GNS: variants seen among roughly 807,000 people sequenced by gnomAD.
The protein encoded by GNS is N-acetylglucosamine-6-sulfatase.
GNS carries 40 observed loss-of-function variants against 69.7 expected under a neutral mutation model. That is an observed-to-expected ratio of 0.57 (90% CI 0.45 to 0.75). GNS has a LOEUF of 0.75. GNS is among the 30% of genes least tolerant of loss of function. GNS has a pLI of 0.00. For missense variants in GNS, 565 were observed against 685.5 expected, an observed-to-expected ratio of 0.82 and a Z score of 1.96; for synonymous variants, 243 against 251.6, an observed-to-expected ratio of 0.97 and a Z score of 0.32.
chr12:64,727,620 G>C (rs191737839), intron 10 of GNS, among the ~76,000 whole-genome samples: 4 of 152,268 alleles, frequency 2.6e-5, no homozygotes, highest in East Asian at 3.9e-4. Flanking sequence ...ACTATGCTCA[G>C]TGAAAAAACC....
intron 9 of GNS, among the ~76,000 whole-genome samples, chr12:64,732,281 C>T (rs997263190): frequency 8.6e-5 from 13 of 151,024 alleles, no homozygotes; most frequent in African/African-American, 2.9e-4. Flanking sequence ...CATTCTCCTG[C>T]CTCAGCCTCC....
intron 2 of GNS, among the ~76,000 whole-genome samples, chr12:64,748,574 A>G (rs548472985): frequency 6.6e-6 from 1 of 152,128 alleles, no homozygotes; most frequent in Non-Finnish European, 1.5e-5. Flanking sequence ...AAGACAAAGA[A>G]TACTACTTGG....
At chr12:64,745,830 T>C (rs1414606067) in intron 3 of GNS, 106 bp from the exon 4 acceptor site, 9 of 754,140 alleles carry the variant, frequency 1.2e-5, no homozygotes, top group Non-Finnish European at 2.2e-5. Context: ...TGAAACATAG[T>C]AGGTACCTAA....
chr12:64,733,962 C>T (rs1316418349), intron 9 of GNS, among the ~76,000 whole-genome samples: 1 of 152,224 alleles, frequency 6.6e-6, no homozygotes, highest in Non-Finnish European at 1.5e-5. Flanking sequence ...GTCCACCAGT[C>T]AGTTAAATGT....
At chr12:64,757,729 CAT>C (rs1450583140) in intron 1 of GNS, among the ~76,000 whole-genome samples, 1 of 152,160 alleles carries the variant, frequency 6.6e-6, no homozygotes, top group Admixed American at 6.5e-5. Context: ...CACTCACACA[CAT>C]GGACCTTTTC....
chr12:64,759,005 G>A lies in GNS; in HGVS notation c.192+80C>T, dbSNP rs79103632. The A allele has an allele frequency of 1.7e-4, 201 of 1,175,682 alleles. 1 individual carries two copies. In the East Asian group the frequency reaches 3.9e-3, roughly 23 times the overall value. The allele number at this position is 1,175,682 out of a possible 1,614,324, so 72.8% of individuals were successfully genotyped here. ...AGACAGCCAGTTCGGGGAGGAGGGT[G>A]GTGGGGACCGGGAAAGAGAGCAACA... On this transcript the variant is annotated intron_variant, in intron 1 of 13. Transcript: ENST00000258145.
chr12:64,756,935 C>T (rs1423791752), intron 1 of GNS, among the ~76,000 whole-genome samples: 1 of 152,034 alleles, frequency 6.6e-6, no homozygotes, highest in Non-Finnish European at 1.5e-5. Flanking sequence ...TCCAGGAGTT[C>T]AAGAGTTCAG....
intron 5 of GNS, among the ~76,000 whole-genome samples, chr12:64,744,172 G>C (rs1869829058): frequency 6.6e-6 from 1 of 152,068 alleles, no homozygotes; most frequent in Non-Finnish European, 1.5e-5. Flanking sequence ...CTTATTTCTC[G>C]AACTGATCAC....
intron 1 of GNS, 124 bp from the exon 2 acceptor site, chr12:64,752,881 C>T: frequency 1.4e-6 from 1 of 696,186 alleles, no homozygotes; most frequent in South Asian, 1.5e-5. Flanking sequence ...CTCTAAGCAA[C>T]AGCCAAAGAG....
At chr12:64,738,540 G>A (rs186651735) in intron 8 of GNS, among the ~76,000 whole-genome samples, 4 of 152,206 alleles carry the variant, frequency 2.6e-5, no homozygotes, top group Non-Finnish European at 5.9e-5. Flanking sequence ...CAGGCCAGGC[G>A]TGTGGCTCAC....
In GNS at chr12:64,745,679, A is replaced by G. The variant is rs1220139584; in HGVS notation, c.505T>C (p.Trp169Arg). Residue 169 changes from tryptophan (W) to arginine (R), a missense_variant, in exon 4 of 14, where the codon TGG becomes CGG. Coordinates refer to ENST00000258145, the MANE Select transcript of GNS (RefSeq NM_002076.4). ...CTCACCAAGGCATACCAGTAACTCC[A>G]ACCCAGAGGAACGTGTTCTAGTCCA... ...AGGLEHVPLG[W>R]SYWYALEKNS... The G allele has an allele frequency of 1.2e-6, 2 of 1,606,774 alleles. No homozygotes were observed. The highest frequency in any genetic ancestry group is 2.7e-5 in the African/African-American group (2 of 74,800).
chr12:64,741,063 AGGGCG>A (rs1592502857), intron 6 of GNS, among the ~76,000 whole-genome samples: 94,326 of 140,974 alleles, frequency 0.67, 34,146 homozygotes, highest in African/African-American at 0.89. Context: ...ATGGGCAAAT[AGGGCG>A]TAGTGGCGGG....
At chr12:64,740,174 TAAGAGA>T (rs1316306634) in intron 7 of GNS, among the ~76,000 whole-genome samples, 4 of 152,230 alleles carry the variant, frequency 2.6e-5, no homozygotes, top group Non-Finnish European at 5.9e-5. Flanking sequence ...AAACACTTCC[TAAGAGA>T]AAGTAATGGA....
intron 12 of GNS, among the ~76,000 whole-genome samples, 158 bp from the exon 13 acceptor site, chr12:64,720,340 A>C (rs1868987398): frequency 6.6e-6 from 1 of 152,046 alleles, no homozygotes; most frequent in Non-Finnish European, 1.5e-5. Context: ...CAAGATCCTC[A>C]AAGAGCTCAC....
chr12:64,736,273 G>A (rs1294832061), intron 9 of GNS, among the ~76,000 whole-genome samples: 1 of 152,190 alleles, frequency 6.6e-6, no homozygotes, highest in African/African-American at 2.4e-5. Context: ...AAACCAAATG[G>A]GAAAGACAAC....
chr12:64,740,466 C>T (rs905309074), intron 7 of GNS, 140 bp downstream of exon 7: 5 of 685,876 alleles, frequency 7.3e-6, no homozygotes, highest in East Asian at 2.6e-5. Context: ...CTTCTGGTGC[C>T]CCATCGAAGC....
chr12:64,752,834 T>C (rs527440263), intron 1 of GNS, 77 bp from the exon 2 acceptor site: 38 of 777,370 alleles, frequency 4.9e-5, no homozygotes, highest in South Asian at 4.4e-4. Context: ...TCCTGTTTTG[T>C]TACATCTTAC....
intron 2 of GNS, among the ~76,000 whole-genome samples, chr12:64,748,964 G>A (rs541729962): frequency 0.013 from 2,038 of 152,132 alleles, 17 homozygotes; most frequent in Middle Eastern, 0.054. Context: ...TTTTGAGATG[G>A]AGTCTCGCTG....
chr12:64,723,238 G>A, intron 10 of GNS, 125 bp from the exon 11 acceptor site: 1 of 705,046 alleles, frequency 1.4e-6, no homozygotes, highest in Admixed American at 2.0e-5. Flanking sequence ...AGTAACTAAA[G>A]GGAATGACTA....
Sources: gnomAD v4.1 joint callset for allele counts (sites outside exome capture counted in the v4.1 genomes callset) on GRCh38, gnomAD v4.1.1 for gene constraint, MANE v1.5 for transcripts, NCBI Gene and HGNC (gene_info 2026-07-23, HGNC 2026-07-21) for gene names.